Variants in KSR2 observed in about 807,000 individuals in gnomAD.
The protein encoded by KSR2 is kinase suppressor of ras 2.
In KSR2, 25 loss-of-function variants were observed where a neutral mutation model predicts 107.8. The observed-to-expected ratio is 0.23, with a 90% confidence interval of 0.17 to 0.32. KSR2 has a LOEUF of 0.32. KSR2 is among the 10% of genes least tolerant of loss of function. The pLI is 1.00. For synonymous variants in KSR2, 480 were observed against 507.0 expected (o/e 0.95, Z 0.71); for missense variants, 887 against 1,268.9 (o/e 0.70, Z 4.57).
chr12:117,824,781 C>T (rs551939551), intron 3 of KSR2, among the ~76,000 whole-genome samples: 28 of 148,850 alleles, frequency 1.9e-4, no homozygotes, highest in Admixed American at 2.7e-4. Context: ...GGCATGAACC[C>T]GGGAGGCGGC....
chr12:117,558,644 T>C, intron 7 of KSR2, 71 bp from the exon 8 acceptor site: 1 of 1,108,384 alleles, frequency 9.0e-7, no homozygotes, highest in Non-Finnish European at 1.4e-6. Context: ...GGTGGGTGGA[T>C]GAATGGATGG....
chr12:117,541,715 AAGG>A (rs1876503187), intron 9 of KSR2, among the ~76,000 whole-genome samples: 1 of 151,972 alleles, frequency 6.6e-6, no homozygotes, highest in Non-Finnish European at 1.5e-5. Context: ...CCCAATAGCA[AAGG>A]AGGTCAAGGG....
At chr12:117,637,799 A>C (rs1593078108) in intron 5 of KSR2, among the ~76,000 whole-genome samples, 1 of 148,010 alleles carries the variant, frequency 6.8e-6, no homozygotes. Flanking sequence ...CTCCTGCCTC[A>C]GTCTTATTTT....
In KSR2 at chr12:117,794,924, C is replaced by T. The variant is rs536622946; in HGVS notation, c.473-33400G>A. ...TGTCCAGAGGCGGCCCAGCAAGGGA[C>T]AGAAAGAGACAGCCTAACTACAGTA... On this transcript the variant is annotated intron_variant, in intron 3 of 19. Transcript: ENST00000339824. Among the ~76,000 whole-genome samples, 5 of 152,278 alleles carry T rather than the reference C, an allele frequency of 3.3e-5. No individual in the cohort carries two copies. In the South Asian group the frequency reaches 1.0e-3, roughly 32 times the overall value.
At chr12:117,575,786 C>T (rs816200) in intron 7 of KSR2, among the ~76,000 whole-genome samples, 126,740 of 152,218 alleles carry the variant, frequency 0.83, 52,965 homozygotes, top group East Asian at 0.99. Flanking sequence ...TTGCACAAGA[C>T]GGAATAGGGA....
intron 1 of KSR2, among the ~76,000 whole-genome samples, chr12:117,902,687 T>C (rs1042783561): frequency 4.0e-5 from 6 of 151,858 alleles, no homozygotes; most frequent in African/African-American, 7.3e-5. Context: ...GGCACGCGTA[T>C]ACCTATGTAA....
intron 5 of KSR2, among the ~76,000 whole-genome samples, chr12:117,597,944 T>A (rs1880737528): frequency 6.6e-6 from 1 of 152,226 alleles, no homozygotes; most frequent in Admixed American, 6.5e-5. Context: ...AAACCGCAGA[T>A]CAGAGAAGTT....
intron 1 of KSR2, among the ~76,000 whole-genome samples, chr12:117,867,302 C>T (rs113389157): frequency 0.018 from 2,781 of 151,648 alleles, 75 homozygotes; most frequent in African/African-American, 0.065. Context: ...GGCAACAAAG[C>T]GAGACCTTGT....
chr12:117,693,861 C>T (rs1191912963), intron 4 of KSR2, among the ~76,000 whole-genome samples: 2 of 152,196 alleles, frequency 1.3e-5, no homozygotes, highest in Non-Finnish European at 1.5e-5. Flanking sequence ...GCAGTAAAAT[C>T]AGGCTTCTAG....
chr12:117,618,833 C>T (rs138764531), intron 5 of KSR2, among the ~76,000 whole-genome samples: 25 of 152,276 alleles, frequency 1.6e-4, no homozygotes, highest in Middle Eastern at 6.8e-3. Context: ...TTAGAAATCA[C>T]TCAGTCTCGG....
chr12:117,629,291 T>C (rs1882695948), intron 5 of KSR2, among the ~76,000 whole-genome samples: 1 of 152,254 alleles, frequency 6.6e-6, no homozygotes, highest in Admixed American at 6.5e-5. Flanking sequence ...TCGATCATGC[T>C]GGGAGCTGCA....
intron 4 of KSR2, among the ~76,000 whole-genome samples, chr12:117,736,878 T>C (rs542581067): frequency 1.8e-4 from 27 of 150,670 alleles, no homozygotes; most frequent in Admixed American, 8.6e-4. Context: ...AGAGGGGAAA[T>C]TGCAATTGCG....
intron 5 of KSR2, among the ~76,000 whole-genome samples, chr12:117,620,790 G>A (rs571366961): frequency 2.6e-5 from 4 of 152,012 alleles, no homozygotes; most frequent in Non-Finnish European, 5.9e-5. Context: ...TTCTGATTAC[G>A]CCATTCCTAG....
chr12:117,680,700 T>C (rs77697039), intron 4 of KSR2, among the ~76,000 whole-genome samples: 1,929 of 152,332 alleles, frequency 0.013, 53 homozygotes, highest in African/African-American at 0.043. Context: ...ATGGAAACTA[T>C]GTAGGTGTTA....
intron 3 of KSR2, among the ~76,000 whole-genome samples, chr12:117,792,350 T>TAAA (rs34784722): frequency 2.1e-5 from 3 of 145,988 alleles, no homozygotes; most frequent in Non-Finnish European, 3.0e-5. Flanking sequence ...ACACTGTCTT[T>TAAA]AAAAAAAAAA....
At chr12:117,951,798 G>T (rs1344475425) in intron 1 of KSR2, among the ~76,000 whole-genome samples, 1 of 152,122 alleles carries the variant, frequency 6.6e-6, no homozygotes. Flanking sequence ...TCAAAGGAGG[G>T]AGGTTCCCAG....
At chr12:117,549,373 C>T (rs1877119520) in intron 9 of KSR2, among the ~76,000 whole-genome samples, 1 of 152,090 alleles carries the variant, frequency 6.6e-6, no homozygotes, top group East Asian at 1.9e-4. Context: ...GCTCTTTGAA[C>T]TTGCTGGAAA....
chr12:117,732,512 A>T (rs576606684), intron 4 of KSR2, among the ~76,000 whole-genome samples: 2 of 151,864 alleles, frequency 1.3e-5, no homozygotes, highest in African/African-American at 4.8e-5. Flanking sequence ...TTGGTCTCGA[A>T]CTCCTAACCT....
chr12:117,655,995 G>GA (rs1884135094), intron 5 of KSR2, among the ~76,000 whole-genome samples: 1 of 152,110 alleles, frequency 6.6e-6, no homozygotes, highest in Non-Finnish European at 1.5e-5. Flanking sequence ...ACTCCAGCAG[G>GA]AAAAAAACCA....
Sources: allele counts gnomAD v4.1 joint callset (sites outside exome capture counted in the v4.1 genomes callset), GRCh38; gene constraint gnomAD v4.1.1; transcripts MANE v1.5; gene names NCBI Gene and HGNC (gene_info 2026-07-23, HGNC 2026-07-21).